The following UVRAG variants were observed in gnomAD, a reference collection of about 807,000 sequenced individuals.
UVRAG encodes UV radiation resistance-associated gene protein.
Under a neutral mutation model 78.0 loss-of-function variants are expected in UVRAG, and 19 were observed. That is an observed-to-expected ratio of 0.24 (90% confidence interval 0.17 to 0.36). The LOEUF (loss-of-function observed/expected upper bound fraction) is 0.36, where lower values mean the gene tolerates loss of function less well. UVRAG is among the 10% of genes least tolerant of loss of function. The pLI is 1.00. For synonymous variants in UVRAG, 323 were observed against 324.6 expected (o/e 1.00, Z 0.05); for missense variants, 740 against 853.8 (o/e 0.87, Z 1.66).
chr11:76,037,256 G>T (rs1209058563), intron 12 of UVRAG, among the ~76,000 whole-genome samples: 1 of 151,994 alleles, frequency 6.6e-6, no homozygotes, highest in Admixed American at 6.6e-5. Context: ...GGCAATTCAG[G>T]AATGAGTCAA....
intron 12 of UVRAG, among the ~76,000 whole-genome samples, chr11:76,058,339 C>T (rs1481040782): frequency 9.2e-5 from 14 of 151,858 alleles, no homozygotes; most frequent in South Asian, 2.1e-4. Flanking sequence ...AAGACCAGCC[C>T]GGGCAACATA....
At chr11:75,822,663 GTT>G (rs534019074) in intron 1 of UVRAG, among the ~76,000 whole-genome samples, 5 of 137,220 alleles carry the variant, frequency 3.6e-5, no homozygotes, top group Non-Finnish European at 4.7e-5. Flanking sequence ...TGCACTTACT[GTT>G]TTTTTTTTTT....
At chr11:75,857,576 A>C (rs1327977758) in intron 2 of UVRAG, among the ~76,000 whole-genome samples, 1 of 147,582 alleles carries the variant, frequency 6.8e-6, no homozygotes, top group Non-Finnish European at 1.5e-5. Context: ...TGCAGCCTCT[A>C]CCTCCCAGGT....
intron 7 of UVRAG, among the ~76,000 whole-genome samples, chr11:75,969,865 A>G (rs1015580427): frequency 2.6e-5 from 4 of 152,178 alleles, no homozygotes; most frequent in Admixed American, 1.3e-4. Flanking sequence ...ACGCTTCCTC[A>G]TTGTGAGTCA....
At chr11:75,997,764 C>G (rs987837987) in intron 8 of UVRAG, among the ~76,000 whole-genome samples, 1 of 152,172 alleles carries the variant, frequency 6.6e-6, no homozygotes, top group African/African-American at 2.4e-5. Flanking sequence ...GGTAGGGTTC[C>G]TGATAGAACC....
intron 13 of UVRAG, among the ~76,000 whole-genome samples, chr11:76,102,494 T>C (rs753473694): frequency 2.0e-5 from 3 of 152,176 alleles, no homozygotes; most frequent in Non-Finnish European, 2.9e-5. Context: ...TTTGGAGATA[T>C]AAAATCATGT....
chr11:76,135,186 T>C (rs1952579165), intron 14 of UVRAG, among the ~76,000 whole-genome samples: 1 of 152,186 alleles, frequency 6.6e-6, no homozygotes, highest in South Asian at 2.1e-4. Context: ...CTGATATAAC[T>C]AATAAACGAA....
In UVRAG at chr11:75,944,197, A is replaced by G. The variant is rs181426289; in HGVS notation, c.594-17247A>G. 3.9e-5 allele frequency among the ~76,000 whole-genome samples: 6 copies of G among 152,264 alleles called. No homozygotes were observed. The East Asian group carries it at 1.2e-3, about 29-fold the overall frequency. Reference sequence around the variant, plus strand: ...ACCCTAAACAGCAGTTCCCTTGCATACAGCTGTCAGAGTCTTAGCTACCCT... The same window carrying G: ...ACCCTAAACAGCAGTTCCCTTGCATGCAGCTGTCAGAGTCTTAGCTACCCT... On this transcript the variant is annotated intron_variant, in intron 6 of 14. Transcript: ENST00000356136.
rs75950864 is a variant in UVRAG at position 76,143,182 on chromosome 11, A to G, written c.*1769A>G. 1 of 138,566 alleles carries G rather than the reference A, an allele frequency of 7.2e-6. No homozygotes were observed. Among genetic ancestry groups the G allele is most frequent in the South Asian group, 2.4e-4 (1 of 4,118 alleles). The allele number at this position is 138,566 out of a possible 1,614,324, so 8.6% of individuals were successfully genotyped here. Reference sequence around the variant, plus strand: ...GCCCTCCAGGGAAGTAACATTTACCAAAAAAAAAGAAAAGTTCTGAAGGGC... The same window carrying G: ...GCCCTCCAGGGAAGTAACATTTACCGAAAAAAAAGAAAAGTTCTGAAGGGC... On this transcript the variant is annotated 3_prime_UTR_variant, in exon 15 of 15. Transcript: ENST00000356136.
In UVRAG at chr11:75,911,963, A is replaced by G; in HGVS notation, c.517A>G (p.Asn173Asp). Reference protein sequence around the residue: ...GAPFEHKGYSNAQKTILLQVD... With the variant: ...GAPFEHKGYSDAQKTILLQVD... The stretch of plus-strand genomic sequence containing the variant: ...GGTTAATGTCTTTCAGGGTTATTCA[A>G]ATGCTCAGAAGACTATTCTTCTGCA... The change falls in exon 6 of 15, where the codon AAT (asparagine) becomes GAT (aspartate). Residue 173 changes from asparagine (N) to aspartate (D), a missense_variant. Transcript: ENST00000356136. 3.7e-6 allele frequency: 6 copies of G among 1,609,408 alleles called. No individual in the cohort carries two copies. Among genetic ancestry groups the G allele is most frequent in the Non-Finnish European group, 5.1e-6 (6 of 1,176,824 alleles).
intron 7 of UVRAG, among the ~76,000 whole-genome samples, chr11:75,971,475 C>A (rs561508166): frequency 1.3e-5 from 2 of 152,144 alleles, no homozygotes; most frequent in African/African-American, 2.4e-5. Flanking sequence ...AATGACAGTT[C>A]GTGTTGTTCC....
At chr11:76,045,406 G>C (rs1039310413) in intron 12 of UVRAG, among the ~76,000 whole-genome samples, 1 of 152,146 alleles carries the variant, frequency 6.6e-6, no homozygotes, top group Non-Finnish European at 1.5e-5. Context: ...TTTTAAAAAT[G>C]ATTAACCAAA....
intron 8 of UVRAG, among the ~76,000 whole-genome samples, chr11:75,987,972 A>G (rs763699910): frequency 2.0e-5 from 3 of 152,140 alleles, no homozygotes; most frequent in Admixed American, 1.3e-4. Context: ...TCCTGACCTC[A>G]GGTGATCTGC....
intron 8 of UVRAG, among the ~76,000 whole-genome samples, chr11:76,002,444 G>A (rs1359036699): frequency 2.0e-5 from 3 of 152,160 alleles, no homozygotes; most frequent in Admixed American, 6.5e-5. Flanking sequence ...AACTGAGGAA[G>A]GGGACACTCA....
At chr11:76,003,320 G>A (rs950344440) in intron 8 of UVRAG, among the ~76,000 whole-genome samples, 2 of 128,660 alleles carry the variant, frequency 1.6e-5, no homozygotes, top group African/African-American at 6.2e-5. Context: ...TGCCCAGGCT[G>A]GAGTGCAGTG....
chr11:76,059,874 T>A (rs188467516), intron 12 of UVRAG, among the ~76,000 whole-genome samples: 111 of 152,368 alleles, frequency 7.3e-4, no homozygotes, highest in African/African-American at 2.6e-3. Flanking sequence ...TGAGTCCATG[T>A]TGTCACATTT....
chr11:75,817,319 A>C (rs185767191), intron 1 of UVRAG, among the ~76,000 whole-genome samples: 9 of 152,300 alleles, frequency 5.9e-5, no homozygotes, highest in African/African-American at 2.2e-4. Flanking sequence ...CATTTACTTC[A>C]TGGAGCCTAT....
At chr11:76,097,733 A>G (rs1012516727) in intron 13 of UVRAG, among the ~76,000 whole-genome samples, 1 of 152,188 alleles carries the variant, frequency 6.6e-6, no homozygotes. Context: ...GGCCTATACA[A>G]GACTGAAGGT....
In UVRAG at chr11:75,934,160, T is replaced by C. The variant is rs541083924; in HGVS notation, c.593+22121T>C. Among the ~76,000 whole-genome samples the C allele has an allele frequency of 9.2e-5, 14 of 152,304 alleles. No individual in the cohort carries two copies. The South Asian group carries it at 2.9e-3, about 32-fold the overall frequency. The stretch of plus-strand genomic sequence containing the variant: ...TACACAATGGAATACTATTCCGCCA[T>C]TAAAAAAATGAGATCCTGTCATCTA... On this transcript the variant is annotated intron_variant, in intron 6 of 14. Coordinates refer to ENST00000356136, the MANE Select transcript of UVRAG (RefSeq NM_003369.4).
Sources: allele counts gnomAD v4.1 joint callset (sites outside exome capture counted in the v4.1 genomes callset), GRCh38; gene constraint gnomAD v4.1.1; transcripts MANE v1.5; gene names NCBI Gene and HGNC (gene_info 2026-07-23, HGNC 2026-07-21).